GATB: variants seen among roughly 807,000 people sequenced by gnomAD.
GATB encodes the protein glutamyl-tRNA amidotransferase subunit B, also known as glutamyl-tRNA(Gln) amidotransferase subunit B, mitochondrial.
In GATB, 39 loss-of-function variants were observed where a neutral mutation model predicts 62.3. The observed-to-expected ratio is 0.63, with a 90% CI of 0.48 to 0.82. The LOEUF (loss-of-function observed/expected upper bound fraction) is 0.82. GATB is among the 40% of genes least tolerant of loss of function. GATB has a pLI of 0.00. For missense variants in GATB, 670 were observed against 684.0 expected (o/e 0.98, Z 0.23); for synonymous variants, 276 against 258.9 (o/e 1.07, Z -0.63).
chr4:151,727,063 T>G (rs1426486700), intron 2 of GATB, among the ~76,000 whole-genome samples: 1 of 152,142 alleles, frequency 6.6e-6, no homozygotes, highest in Non-Finnish European at 1.5e-5. Flanking sequence ...ACCACAGGTG[T>G]GAGCCACCAT....
chr4:151,689,065 C>T (rs910419448), intron 9 of GATB, among the ~76,000 whole-genome samples: 3 of 152,190 alleles, frequency 2.0e-5, no homozygotes, highest in Admixed American at 2.0e-4. Context: ...TTGCTTTCTC[C>T]GTGTCTGCTG....
intron 8 of GATB, 134 bp from the exon 9 acceptor site, chr4:151,701,652 A>G (rs895598294): frequency 7.9e-6 from 5 of 630,430 alleles, no homozygotes; most frequent in Non-Finnish European, 1.2e-5. Context: ...ATGTCCTATT[A>G]CGTCAATTCT....
chr4:151,731,914 TGGGGGTCAGCCCCCGCCG>T (rs938343738), intron 2 of GATB, among the ~76,000 whole-genome samples: 6 of 139,574 alleles, frequency 4.3e-5, no homozygotes, highest in Non-Finnish European at 9.2e-5. Context: ...GGGAGGGAGG[TGGGGGTCAGCCCCCGCCG>T]GGCCAGCCGC....
At chr4:151,676,080 G>C (rs765370602) in intron 11 of GATB, 3 of 152,136 alleles carry the variant, frequency 2.0e-5, no homozygotes, top group Non-Finnish European at 4.4e-5. Context: ...CCCCCTTTTT[G>C]GTCAAAGGCA....
chr4:151,740,862 T>A (rs1467879802), intron 2 of GATB, among the ~76,000 whole-genome samples: 2 of 152,194 alleles, frequency 1.3e-5, no homozygotes, highest in Non-Finnish European at 1.5e-5. Context: ...ACAAAGCCTG[T>A]ATGAACTACT....
At chr4:151,681,290 T>C (rs1738132793) in intron 10 of GATB, among the ~76,000 whole-genome samples, 1 of 152,240 alleles carries the variant, frequency 6.6e-6, no homozygotes, top group African/African-American at 2.4e-5. Flanking sequence ...CATCATCCTG[T>C]AAGTGTCTGT....
In GATB at chr4:151,679,830, A is replaced by T. The variant is rs773469580; in HGVS notation, c.1393T>A (p.Ser465Thr). 1.2e-6 allele frequency: 2 copies of T among 1,614,118 alleles called. No homozygotes were observed. Among genetic ancestry groups the T allele is most frequent in the South Asian group, 2.2e-5 (2 of 91,072 alleles). Reference protein sequence around the residue: ...LDLLDSRTISSSAAKQVFEEL... With the variant: ...LDLLDSRTISTSAAKQVFEEL... ...GGACATACCTGTTTAGCTGCTGATG[A>T]AGAAATTGTTCTGCTGTCCAGCAGG... The change falls in exon 11 of 13, where the codon TCA becomes ACA. Residue 465 changes from serine to threonine, a missense_variant. Physicochemically the swap from Ser to Thr is moderately conservative, Grantham distance 58. Coordinates refer to ENST00000263985, the MANE Select transcript of GATB (RefSeq NM_004564.3).
intron 2 of GATB, chr4:151,721,772 T>A (rs1739036604): frequency 6.2e-6 from 1 of 161,316 alleles, no homozygotes; most frequent in South Asian, 1.9e-4. Flanking sequence ...CTGCTAGGCA[T>A]GAAGAGAACC....
At chr4:151,758,397 T>G (rs1302774566) in intron 2 of GATB, among the ~76,000 whole-genome samples, 1 of 152,236 alleles carries the variant, frequency 6.6e-6, no homozygotes, top group East Asian at 1.9e-4. Context: ...GAAATCATCC[T>G]CTGCATATTA....
chr4:151,695,228 G>T (rs946804870), intron 9 of GATB, among the ~76,000 whole-genome samples: 2 of 152,182 alleles, frequency 1.3e-5, no homozygotes, highest in African/African-American at 4.8e-5. Flanking sequence ...ATTCTTGGGA[G>T]TCTGCTTGGC....
At position 151,703,866 on chromosome 4, in the gene GATB, C is replaced by A. The variant is rs933112479; in HGVS notation, c.992G>T (p.Gly331Val). ...GAGTAACCACCTGTAGTCCTGTTTT[C>A]CTTCTTTGTCTCTCATTGACATGGT... ...GCTMSMRDKE[G>V]KQDYRFMPEP... is the part of the protein sequence containing the mutation. The change falls in exon 8 of 13, where the codon GGA (glycine) becomes GTA (valine). Residue 331 changes from glycine to valine, a missense_variant. By Grantham distance (109) the Gly-to-Val change is moderately radical. Transcript: ENST00000263985. The A allele has an allele frequency of 6.2e-7, 1 of 1,606,706 alleles. No individual in the cohort carries two copies. Among genetic ancestry groups the A allele is most frequent in the Non-Finnish European group, 8.5e-7 (1 of 1,173,324 alleles).
chr4:151,703,747 G>T, intron 8 of GATB, 104 bp downstream of exon 8: 1 of 813,054 alleles, frequency 1.2e-6, no homozygotes, highest in Non-Finnish European at 2.2e-6. Context: ...GACAAAAAGT[G>T]GTTTCTAAAA....
At chr4:151,680,206 C>G (rs2126956093) in intron 10 of GATB, among the ~76,000 whole-genome samples, 1 of 151,480 alleles carries the variant, frequency 6.6e-6, no homozygotes, top group Middle Eastern at 3.4e-3. Flanking sequence ...AATTCATGAA[C>G]CACAACAGGA....
intron 9 of GATB, among the ~76,000 whole-genome samples, chr4:151,693,696 C>G (rs1738414838): frequency 6.6e-6 from 1 of 152,142 alleles, no homozygotes; most frequent in African/African-American, 2.4e-5. Flanking sequence ...GGTCATTTCC[C>G]CAGCAAGGCT....
At chr4:151,699,281 C>A (rs1181385218) in intron 9 of GATB, among the ~76,000 whole-genome samples, 1 of 150,658 alleles carries the variant, frequency 6.6e-6, no homozygotes, top group African/African-American at 2.4e-5. Flanking sequence ...CCCAGCTACT[C>A]GGGAGGCTGA....
rs779157602 is a variant in GATB, at chr4:151,688,688, A to T, written c.1273T>A (p.Trp425Arg). The change falls in exon 10 of 13, where the codon TGG becomes AGG. Residue 425 changes from tryptophan to arginine, a missense_variant. By Grantham distance (101) the Trp-to-Arg change is moderately radical. Transcript: ENST00000263985. ...TAGCCCAGAAAAGTGTTGAGGACCC[A>T]ACTAGTCACCTTTTTTGGCTCTGCC... ...TRAEPKKVTS[W>R]VLNTFLGYLK... is the part of the protein sequence containing the mutation. 1 of 1,613,514 alleles carries T rather than the reference A, an allele frequency of 6.2e-7. No individual in the cohort carries two copies. Among genetic ancestry groups the T allele is most frequent in the Admixed American group, 1.7e-5 (1 of 59,920 alleles).
At chr4:151,738,100 C>G (rs958839791) in intron 2 of GATB, among the ~76,000 whole-genome samples, 3 of 152,146 alleles carry the variant, frequency 2.0e-5, no homozygotes, top group African/African-American at 7.2e-5. Context: ...GATCCACTGA[C>G]AGTTTGCACT....
chr4:151,671,835 G>C (rs1737873736), intron 12 of GATB, among the ~76,000 whole-genome samples: 1 of 152,148 alleles, frequency 6.6e-6, no homozygotes, highest in Admixed American at 6.5e-5. Flanking sequence ...GGGGGAGTGA[G>C]GAAGCCAGGA....
At chr4:151,709,176 G>T (rs1056302464) in intron 5 of GATB, among the ~76,000 whole-genome samples, 5 of 152,134 alleles carry the variant, frequency 3.3e-5, no homozygotes, top group African/African-American at 1.2e-4. Context: ...TAGTCAAAAT[G>T]AATTCCATGT....
Sources: gnomAD v4.1 joint callset for allele counts (sites outside exome capture counted in the v4.1 genomes callset) on GRCh38, gnomAD v4.1.1 for gene constraint, MANE v1.5 for transcripts, NCBI Gene and HGNC (gene_info 2026-07-23, HGNC 2026-07-21) for gene names.